The following BANK1 variants were observed in gnomAD, a reference collection of about 807,000 sequenced individuals.
BANK1 encodes the protein B cell scaffold protein with ankyrin repeats 1.
In BANK1, 95 loss-of-function variants were observed where a neutral mutation model predicts 94.5. The ratio of observed to expected loss-of-function variants is 1.00; its 90% confidence interval spans 0.85 to 1.19. BANK1 has a LOEUF of 1.19. BANK1 is among the 50% of genes most tolerant of loss of function. BANK1 has a pLI of 0.00. For synonymous variants in BANK1, 334 were observed against 308.4 expected, an observed-to-expected ratio of 1.08 and a Z score of -0.87; for missense variants, 987 against 932.2, an observed-to-expected ratio of 1.06 and a Z score of -0.77.
intron 7 of BANK1, among the ~76,000 whole-genome samples, chr4:101,930,741 G>A (rs1490152954): frequency 6.6e-6 from 1 of 151,444 alleles, no homozygotes; most frequent in Admixed American, 6.6e-5. Context: ...CACACATTTG[G>A]TAATAAGTAG....
chr4:102,046,104 A>C (rs1727869408), intron 11 of BANK1, among the ~76,000 whole-genome samples: 1 of 151,362 alleles, frequency 6.6e-6, no homozygotes, highest in Non-Finnish European at 1.5e-5. Context: ...GATATAGATC[A>C]ATGGAACAGA....
chr4:101,898,694 C>T (rs1722174792), intron 6 of BANK1, among the ~76,000 whole-genome samples: 1 of 151,954 alleles, frequency 6.6e-6, no homozygotes, highest in Non-Finnish European at 1.5e-5. Flanking sequence ...CTTATTATTG[C>T]CGCATCCTCA....
At chr4:101,804,956 A>G (rs1350124544) in intron 1 of BANK1, among the ~76,000 whole-genome samples, 1 of 152,218 alleles carries the variant, frequency 6.6e-6, no homozygotes, top group East Asian at 1.9e-4. Flanking sequence ...GTGTTTATGC[A>G]GTTAAATAGC....
At chr4:101,960,732 G>A (rs1044233412) in intron 7 of BANK1, among the ~76,000 whole-genome samples, 2 of 152,118 alleles carry the variant, frequency 1.3e-5, no homozygotes, top group Non-Finnish European at 2.9e-5. Flanking sequence ...GAATCAGTAA[G>A]CAATTTTAAA....
chr4:101,906,862 A>T (rs1722470586), intron 6 of BANK1, among the ~76,000 whole-genome samples: 1 of 152,136 alleles, frequency 6.6e-6, no homozygotes, highest in Non-Finnish European at 1.5e-5. Flanking sequence ...ACTTGCCAAG[A>T]CCACCTCAGT....
chr4:102,051,332 A>C (rs1436165868), intron 11 of BANK1, among the ~76,000 whole-genome samples: 3 of 152,178 alleles, frequency 2.0e-5, no homozygotes, highest in Admixed American at 2.0e-4. Context: ...TCCATTTGTC[A>C]TATTGCTCAC....
At position 101,867,178 on chromosome 4, in the gene BANK1, A is replaced by T. The variant is rs1728105833; in HGVS notation, c.764-3327A>T. ...CTTAGAGTATAATAAAAAAAATTTA[A>T]AAAAAAAAAAAAAAAAAAGAATTAC... On this transcript the variant is annotated intron_variant, in intron 4 of 16. Transcript: ENST00000322953. Among the ~76,000 whole-genome samples the T allele has an allele frequency of 5.1e-5, 2 of 39,132 alleles. 1 individual carries two copies. Among genetic ancestry groups the T allele is most frequent in the Admixed American group, 3.6e-4 (2 of 5,534 alleles). The allele number at this position is 39,132 out of a possible 152,430, so 25.7% of individuals were successfully genotyped here. A position where few individuals can be genotyped will look rare whatever the true frequency, so the allele number is the denominator to read the frequency against.
intron 6 of BANK1, among the ~76,000 whole-genome samples, chr4:101,901,894 G>A (rs1003380020): frequency 5.9e-5 from 9 of 152,012 alleles, no homozygotes; most frequent in African/African-American, 1.2e-4. Flanking sequence ...CTGAGTAGCC[G>A]GGACTACAGG....
At chr4:101,866,765 C>A (rs1352401215) in intron 4 of BANK1, among the ~76,000 whole-genome samples, 1 of 84,778 alleles carries the variant, frequency 1.2e-5, no homozygotes, top group Non-Finnish European at 2.2e-5. Context: ...GGAACCAACC[C>A]AAATGTCCAA....
intron 11 of BANK1, 54 bp from the exon 12 acceptor site, chr4:102,060,157 C>G (rs1028825256): frequency 1.4e-6 from 2 of 1,436,888 alleles, no homozygotes; most frequent in Non-Finnish European, 1.8e-6. Flanking sequence ...TGCTTTTGTT[C>G]CCAGTTGTCT....
chr4:102,012,133 G>C (rs2148942517), intron 7 of BANK1, among the ~76,000 whole-genome samples: 1 of 152,194 alleles, frequency 6.6e-6, no homozygotes, highest in South Asian at 2.1e-4. Context: ...ATGTAAAATT[G>C]TAAAAGGAAA....
chr4:102,032,693 G>A (rs1444612698), intron 10 of BANK1, among the ~76,000 whole-genome samples: 1 of 152,088 alleles, frequency 6.6e-6, no homozygotes, highest in East Asian at 1.9e-4. Flanking sequence ...GACCAGCCTG[G>A]CTAACATGAT....
intron 7 of BANK1, among the ~76,000 whole-genome samples, chr4:101,949,278 A>G (rs1468504390): frequency 6.6e-6 from 1 of 152,192 alleles, no homozygotes; most frequent in Non-Finnish European, 1.5e-5. Context: ...CAAAAAAGAA[A>G]GCAAAGATAT....
chr4:101,954,964 T>C (rs1724287650), intron 7 of BANK1, among the ~76,000 whole-genome samples: 1 of 152,032 alleles, frequency 6.6e-6, no homozygotes, highest in East Asian at 1.9e-4. Flanking sequence ...TAAAGGTCAG[T>C]GATAGGTAAG....
At chr4:101,996,640 C>G (rs888693153) in intron 7 of BANK1, among the ~76,000 whole-genome samples, 11 of 152,104 alleles carry the variant, frequency 7.2e-5, no homozygotes, top group Non-Finnish European at 2.9e-5. Flanking sequence ...AAGAGAGGTC[C>G]TTCACATCCC....
intron 4 of BANK1, among the ~76,000 whole-genome samples, chr4:101,867,823 T>C (rs537705040): frequency 1.3e-5 from 2 of 149,986 alleles, no homozygotes; most frequent in Admixed American, 6.6e-5. Context: ...AGAGAGAAAA[T>C]AGAATCCTAT....
chr4:101,865,276 A>G (rs1430047074), intron 4 of BANK1, among the ~76,000 whole-genome samples: 1 of 152,164 alleles, frequency 6.6e-6, no homozygotes, highest in Non-Finnish European at 1.5e-5. Context: ...CTGGAGCCAC[A>G]AACTAGTAGG....
At chr4:102,062,929 A>C in intron 12 of BANK1, 146 bp from the exon 13 acceptor site, 1 of 608,350 alleles carries the variant, frequency 1.6e-6, no homozygotes, top group Non-Finnish European at 3.0e-6. Context: ...TAACGTGGAA[A>C]GTATCAAGGA....
chr4:101,799,174 A>C (rs1016371301), intron 1 of BANK1, among the ~76,000 whole-genome samples: 18 of 152,180 alleles, frequency 1.2e-4, no homozygotes, highest in African/African-American at 4.3e-4. Context: ...TCAGCTCTCT[A>C]TATATGGCTA....
Sources: gnomAD v4.1 joint callset for allele counts (sites outside exome capture counted in the v4.1 genomes callset) on GRCh38, gnomAD v4.1.1 for gene constraint, MANE v1.5 for transcripts, NCBI Gene and HGNC (gene_info 2026-07-23, HGNC 2026-07-21) for gene names.